GDF6: variants seen among roughly 807,000 people sequenced by gnomAD.
GDF6 encodes the protein growth/differentiation factor 6.
A neutral mutation model predicts 32.4 loss-of-function variants in GDF6; 3 were observed. That is an observed-to-expected ratio of 0.09 (90% confidence interval 0.04 to 0.24). The LOEUF (loss-of-function observed/expected upper bound fraction) is 0.24, where lower values mean the gene tolerates loss of function less well. Ranked by LOEUF, GDF6 falls within the 10% of genes least tolerant of loss-of-function variation. The probability of loss-of-function intolerance (pLI) is 1.00; values close to 1 mark genes in which losing one functional copy is unlikely to be tolerated. For synonymous variants in GDF6, 296 were observed against 295.3 expected, an observed-to-expected ratio of 1.00 and a Z score of -0.03; for missense variants, 589 against 637.9, an observed-to-expected ratio of 0.92 and a Z score of 0.83.
intron 1 of GDF6, among the ~76,000 whole-genome samples, chr8:96,149,554 C>G (rs1812534351): frequency 2.6e-5 from 4 of 152,074 alleles, no homozygotes; most frequent in Admixed American, 2.6e-4. Context: ...GCACCTCAAA[C>G]ATATATTTCT....
At position 96,144,490 on chromosome 8, in the gene GDF6, G is replaced by A; in HGVS notation, c.*73C>T. On this transcript the variant is annotated 3_prime_UTR_variant, in exon 2 of 2. Transcript: ENST00000287020. This position sits in a 1 kb window ranked among gnomAD's most constrained non-coding sequence, Gnocchi z 5.1. ...CGCCAGCTTCCTCCTCCGCCTCTCTGCAGCCAGGCCTCCCCTGCAAGGCGG... is the reference window on the plus strand; with the variant it reads ...CGCCAGCTTCCTCCTCCGCCTCTCTACAGCCAGGCCTCCCCTGCAAGGCGG... 6.4e-7 allele frequency: 1 copy of A among 1,562,980 alleles called. No homozygotes were observed. Among genetic ancestry groups the A allele is most frequent in the Non-Finnish European group, 8.7e-7 (1 of 1,153,742 alleles).
chr8:96,146,568 A>AAC (rs926580797), intron 1 of GDF6, among the ~76,000 whole-genome samples: 32 of 152,066 alleles, frequency 2.1e-4, no homozygotes, highest in African/African-American at 7.7e-4. Context: ...CAAATGAACA[A>AAC]ACACACACAC....
chr8:96,153,486 C>T (rs2130224691), intron 1 of GDF6, among the ~76,000 whole-genome samples: 1 of 152,334 alleles, frequency 6.6e-6, no homozygotes. Flanking sequence ...CCTGCCCTTC[C>T]CCTGGGGCCG....
intron 1 of GDF6, among the ~76,000 whole-genome samples, chr8:96,158,997 G>A (rs1812716133): frequency 6.6e-6 from 1 of 151,588 alleles, no homozygotes; most frequent in South Asian, 2.1e-4. Context: ...GGCTGGGGGC[G>A]GGGGGGCCGT....
At chr8:96,155,242 C>T (rs1391222643) in intron 1 of GDF6, among the ~76,000 whole-genome samples, 1 of 152,258 alleles carries the variant, frequency 6.6e-6, no homozygotes, top group East Asian at 1.9e-4. Context: ...CAAGGAAACT[C>T]GCCAAGAATC....
At chr8:96,157,682 G>A (rs1812692562) in intron 1 of GDF6, among the ~76,000 whole-genome samples, 1 of 152,212 alleles carries the variant, frequency 6.6e-6, no homozygotes, top group Admixed American at 6.5e-5. Flanking sequence ...AGAGCCCCAC[G>A]TGAGAGGGGC....
intron 1 of GDF6, among the ~76,000 whole-genome samples, chr8:96,154,314 C>A (rs1231297508): frequency 6.6e-6 from 1 of 152,132 alleles, no homozygotes. Context: ...CGCCGCCCGC[C>A]GCCCGCCCCT....
chr8:96,143,466 C>T lies in GDF6; in HGVS notation c.*1097G>A, dbSNP rs1812406366. The T allele has an allele frequency of 6.5e-6, 1 of 152,764 alleles. No individual in the cohort carries two copies. Among genetic ancestry groups the T allele is most frequent in the Admixed American group, 6.5e-5 (1 of 15,290 alleles). 9.5% of individuals were successfully genotyped at this position (152,764 alleles called of 1,614,324 possible). Reference sequence around the variant, plus strand: ...CACCATCTTCCCTCCTGATGGGACTCCTTCTACTTCTTGGTTCCTTTTCCC... The same window carrying T: ...CACCATCTTCCCTCCTGATGGGACTTCTTCTACTTCTTGGTTCCTTTTCCC... On this transcript the variant is annotated 3_prime_UTR_variant, in exon 2 of 2. Transcript: ENST00000287020.
rs367654279 is a variant in GDF6 at position 96,146,707 on chromosome 8, C to CACACACAGAGAGAGAGAGAGAG, written c.407-1184_407-1183insCTCTCTCTCTCTCTCTGTGTGT. Reference sequence around the variant, plus strand: ...ACACACACACACACACACACACACACAGAGAGAGAGAGAGAGAGATAGAGA... The same window carrying CACACACAGAGAGAGAGAGAGAG: ...ACACACACACACACACACACACACACACACACAGAGAGAGAGAGAGAGAGAGAGAGAGAGAGAGAGATAGAGA... On this transcript the variant is annotated intron_variant, in intron 1 of 1. Coordinates refer to ENST00000287020, the MANE Select transcript of GDF6 (RefSeq NM_001001557.4). 1.9e-3 allele frequency among the ~76,000 whole-genome samples: 262 copies of CACACACAGAGAGAGAGAGAGAG among 139,982 alleles called. 2 individuals are homozygous for CACACACAGAGAGAGAGAGAGAG. Among genetic ancestry groups the CACACACAGAGAGAGAGAGAGAG allele is most frequent in the African/African-American group, 7.1e-3 (251 of 35,144 alleles). The allele number at this position is 139,982 out of a possible 152,430, so 91.8% of individuals were successfully genotyped here. A position where few individuals can be genotyped will look rare whatever the true frequency, so the allele number is the denominator to read the frequency against.
In GDF6 at chr8:96,144,422, G is replaced by T; in HGVS notation, c.*141C>A. 2.1e-6 allele frequency: 2 copies of T among 952,796 alleles called. No homozygotes were observed. The highest frequency in any genetic ancestry group is 3.1e-6 in the Non-Finnish European group (2 of 647,606). 59.0% of individuals were successfully genotyped at this position (952,796 alleles called of 1,614,324 possible). A position where few individuals can be genotyped will look rare whatever the true frequency, so the allele number is the denominator to read the frequency against. ...GGCTGCGCTCCCTTCTCTCCCACCG[G>T]CTCTCACATCCAGGCTGTTCCCTCA... is the stretch of plus-strand genomic sequence containing the variant. On this transcript the variant is annotated 3_prime_UTR_variant, in exon 2 of 2. Transcript: ENST00000287020. The surrounding 1 kb of genome is among the most constrained non-coding windows in gnomAD (Gnocchi z 5.1).
At chr8:96,150,807 T>G (rs563132284) in intron 1 of GDF6, among the ~76,000 whole-genome samples, 1 of 152,368 alleles carries the variant, frequency 6.6e-6, no homozygotes, top group Admixed American at 6.5e-5. Flanking sequence ...AGCTTCATCA[T>G]TAGTGTAATC....
chr8:96,145,504 G>C lies in GDF6; in HGVS notation c.427C>G (p.Leu143Val), dbSNP rs1427968637. 6.3e-7 allele frequency: 1 copy of C among 1,597,946 alleles called. No homozygotes were observed. Among genetic ancestry groups the C allele is most frequent in the Admixed American group, 1.7e-5 (1 of 60,012 alleles). The change falls in exon 2 of 2, where the codon CTC becomes GTC. Residue 143 changes from leucine to valine, a missense_variant. Leu to Val is a conservative substitution (Grantham distance 32). Around this residue, in one of 2 missense-constraint regions of GDF6, gnomAD observed 436 missense variants for 411.2 expected, o/e 1.06. Coordinates refer to ENST00000287020, the MANE Select transcript of GDF6 (RefSeq NM_001001557.4). The surrounding 1 kb of genome is among the most constrained non-coding windows in gnomAD (Gnocchi z 5.6). The stretch of plus-strand genomic sequence containing the variant: ...TCAAACAAATACTTCTGTCTCCGGA[G>C]AGGAGTGTGCGAGAGATCGTCTGCG... ...RGLDDLSHTP[L>V]RRQKYLFDVS... is the part of the protein sequence containing the mutation.
intron 1 of GDF6, among the ~76,000 whole-genome samples, chr8:96,151,925 G>C (rs1563511552): frequency 6.6e-6 from 1 of 152,124 alleles, no homozygotes; most frequent in East Asian, 1.9e-4. Context: ...TCATTGTAAA[G>C]GTCAGAGTCA....
chr8:96,144,420 C>T lies in GDF6; in HGVS notation c.*143G>A, dbSNP rs1812431431. The stretch of plus-strand genomic sequence containing the variant: ...AAGGCTGCGCTCCCTTCTCTCCCAC[C>T]GGCTCTCACATCCAGGCTGTTCCCT... On this transcript the variant is annotated 3_prime_UTR_variant, in exon 2 of 2. Transcript: ENST00000287020. This position sits in a 1 kb window ranked among gnomAD's most constrained non-coding sequence, Gnocchi z 5.1. 4 of 941,994 alleles carry T rather than the reference C, an allele frequency of 4.2e-6. No homozygotes were observed. The highest frequency in any genetic ancestry group is 6.3e-6 in the Non-Finnish European group (4 of 638,498). 58.4% of individuals were successfully genotyped at this position (941,994 alleles called of 1,614,324 possible).
At chr8:96,154,745 T>G (rs1192770708) in intron 1 of GDF6, among the ~76,000 whole-genome samples, 2 of 152,198 alleles carry the variant, frequency 1.3e-5, no homozygotes, top group East Asian at 3.9e-4. Context: ...GCAGTAGTCC[T>G]AGCAGGAAAC....
In GDF6 at chr8:96,143,334, C is replaced by G. The variant is rs1443665813; in HGVS notation, c.*1229G>C. 1 of 152,646 alleles carries G rather than the reference C, an allele frequency of 6.6e-6. No individual in the cohort carries two copies. The highest frequency in any genetic ancestry group is 2.4e-5 in the African/African-American group (1 of 41,446). The allele number at this position is 152,646 out of a possible 1,614,324, so 9.5% of individuals were successfully genotyped here. On this transcript the variant is annotated 3_prime_UTR_variant, in exon 2 of 2. Coordinates refer to ENST00000287020, the MANE Select transcript of GDF6 (RefSeq NM_001001557.4). Reference sequence around the variant, plus strand: ...AATGTCAAAGAGAGGGGAGGGAACTCAGATTTTAAAGAAACTTCAGAGACA... The same window carrying G: ...AATGTCAAAGAGAGGGGAGGGAACTGAGATTTTAAAGAAACTTCAGAGACA...
intron 1 of GDF6, among the ~76,000 whole-genome samples, chr8:96,151,832 C>G (rs1812573061): frequency 6.6e-6 from 1 of 152,130 alleles, no homozygotes; most frequent in Non-Finnish European, 1.5e-5. Flanking sequence ...GCTGGGTGAC[C>G]TTGGTTAGAC....
At chr8:96,150,620 T>A (rs1563511106) in intron 1 of GDF6, among the ~76,000 whole-genome samples, 1 of 152,270 alleles carries the variant, frequency 6.6e-6, no homozygotes, top group Non-Finnish European at 1.5e-5. Flanking sequence ...TTGCCCATTG[T>A]CTTGAAACTA....
chr8:96,150,449 C>T (rs961443993), intron 1 of GDF6, among the ~76,000 whole-genome samples: 14 of 152,236 alleles, frequency 9.2e-5, no homozygotes, highest in African/African-American at 3.1e-4. Flanking sequence ...CATTTTAGAG[C>T]CAGCAGCAGC....
Sources: gnomAD v4.1 joint callset for allele counts (sites outside exome capture counted in the v4.1 genomes callset) on GRCh38, gnomAD v4.1.1 for gene constraint, gnomAD v4.1.1 regional missense constraint, Gnocchi (gnomAD v3.1) non-coding constraint, MANE v1.5 for transcripts, NCBI Gene and HGNC (gene_info 2026-07-23, HGNC 2026-07-21) for gene names.